Variants in SKAP1 observed in about 807,000 individuals in gnomAD.
SKAP1 encodes the protein src kinase associated phosphoprotein 1.
A neutral mutation model predicts 58.5 loss-of-function variants in SKAP1; 44 were observed. That is an observed-to-expected ratio of 0.75 (90% CI 0.59 to 0.97). The LOEUF (loss-of-function observed/expected upper bound fraction) is 0.97. SKAP1 is among the 50% of genes least tolerant of loss of function. SKAP1 has a pLI of 0.00. For synonymous variants in SKAP1, 127 were observed against 149.7 expected (o/e 0.85, Z 1.11); for missense variants, 390 against 435.2 (o/e 0.90, Z 0.92).
chr17:48,345,638 G>A (rs879582871), intron 4 of SKAP1, among the ~76,000 whole-genome samples: 2 of 152,176 alleles, frequency 1.3e-5, no homozygotes, highest in African/African-American at 2.4e-5. Flanking sequence ...ATTGAGCTAC[G>A]GTTTTTATAA....
chr17:48,271,362 C>CTTTTTTTTTTTTTTTTTT (rs35447830), intron 4 of SKAP1, among the ~76,000 whole-genome samples: 1 of 106,276 alleles, frequency 9.4e-6, no homozygotes, highest in Non-Finnish European at 1.9e-5. Context: ...TTCTTTGTTT[C>CTTTTTTTTTTTTTTTTTT]TTTTTTTTTT....
In SKAP1 at chr17:48,411,883, C is replaced by T. The variant is rs183461952; in HGVS notation, c.47-15098G>A. On this transcript the variant is annotated intron_variant, in intron 1 of 12. Transcript: ENST00000336915. ...TGGGAAACTGTTACAGCAAGAGGCG[C>T]CCAAGGAGCCTAAACTAAACGAGGT... Among the ~76,000 whole-genome samples, 53 of 152,238 alleles carry T rather than the reference C, an allele frequency of 3.5e-4. 1 individual carries two copies. Among genetic ancestry groups the T allele is most frequent in the Admixed American group, 1.5e-3 (23 of 15,288 alleles).
intron 4 of SKAP1, among the ~76,000 whole-genome samples, chr17:48,237,599 T>C (rs2065195295): frequency 6.6e-6 from 1 of 152,224 alleles, no homozygotes; most frequent in African/African-American, 2.4e-5. Flanking sequence ...TATTCTTTTA[T>C]TAGCATTGAG....
chr17:48,435,867 A>G, the SKAP1 span, among the ~76,000 whole-genome samples: 3 of 152,218 alleles, frequency 2.0e-5, no homozygotes, highest in African/African-American at 4.8e-5. Context: ...ATGAGTGGAT[A>G]TTCTAACAAG....
chr17:48,285,117 C>T (rs1301836901), intron 4 of SKAP1, among the ~76,000 whole-genome samples: 66 of 152,338 alleles, frequency 4.3e-4, no homozygotes, highest in Non-Finnish European at 7.3e-5. Context: ...CAAATCCTCA[C>T]AGCCATCTCT....
chr17:48,293,806 G>T (rs1279966108), intron 4 of SKAP1, among the ~76,000 whole-genome samples: 1 of 152,150 alleles, frequency 6.6e-6, no homozygotes, highest in African/African-American at 2.4e-5. Flanking sequence ...AACAGTGAAC[G>T]CTCTGACATT....
chr17:48,332,657 T>C (rs1028898919), intron 4 of SKAP1, among the ~76,000 whole-genome samples: 1 of 152,164 alleles, frequency 6.6e-6, no homozygotes, highest in African/African-American at 2.4e-5. Flanking sequence ...ATCAGGTAAA[T>C]ATTATAGAAT....
At chr17:48,182,316 G>A in intron 8 of SKAP1, 78 bp downstream of exon 8, 1 of 1,038,220 alleles carries the variant, frequency 9.6e-7, no homozygotes, top group Non-Finnish European at 1.5e-6. Context: ...ACATACTGAA[G>A]TCTGTAGATT....
intron 1 of SKAP1, among the ~76,000 whole-genome samples, chr17:48,399,589 C>A (rs1387484386): frequency 6.6e-6 from 1 of 151,896 alleles, no homozygotes; most frequent in East Asian, 1.9e-4. Context: ...AGAGAGATTC[C>A]ATCTCTACAA....
chr17:48,225,544 A>C (rs2065058207), intron 4 of SKAP1, among the ~76,000 whole-genome samples: 1 of 152,204 alleles, frequency 6.6e-6, no homozygotes, highest in African/African-American at 2.4e-5. Context: ...ACAGCATTCA[A>C]ATTTAATTTG....
At chr17:48,356,675 CA>C (rs1276309108) in intron 3 of SKAP1, among the ~76,000 whole-genome samples, 1 of 152,082 alleles carries the variant, frequency 6.6e-6, no homozygotes, top group African/African-American at 2.4e-5. Context: ...ACAACTGCTC[CA>C]TATCAGCAAT....
chr17:48,141,808 G>A (rs758924868), intron 11 of SKAP1, among the ~76,000 whole-genome samples: 14 of 152,150 alleles, frequency 9.2e-5, no homozygotes, highest in Admixed American at 8.5e-4. Flanking sequence ...GCTCCCATGG[G>A]CCACAGGCTC....
In SKAP1 at chr17:48,184,851, C is replaced by T. The variant is rs1177671071; in HGVS notation, c.443-4G>A. 1 of 1,612,872 alleles carries T rather than the reference C, an allele frequency of 6.2e-7. No homozygotes were observed. The highest frequency in any genetic ancestry group is 2.2e-5 in the East Asian group (1 of 44,836). On this transcript the variant is annotated splice_region_variant and splice_polypyrimidine_tract_variant and intron_variant, in intron 6 of 12. Coordinates refer to ENST00000336915, the MANE Select transcript of SKAP1 (RefSeq NM_003726.4). ...AAGGTCCCTTTGGGCTGCTTGCCTG[C>T]AAGACAGGAAAGCTCCCTGTATCCC...
intron 1 of SKAP1, among the ~76,000 whole-genome samples, chr17:48,398,301 G>A (rs906169189): frequency 2.6e-5 from 4 of 151,994 alleles, no homozygotes; most frequent in African/African-American, 9.7e-5. Flanking sequence ...CTGTGTATGT[G>A]AGGGATCTAG....
At chr17:48,247,302 A>G (rs1211740517) in intron 4 of SKAP1, among the ~76,000 whole-genome samples, 1 of 152,198 alleles carries the variant, frequency 6.6e-6, no homozygotes, top group Non-Finnish European at 1.5e-5. Context: ...GCACCATGAA[A>G]GCATGGACAT....
chr17:48,212,233 T>C (rs895769601), intron 4 of SKAP1, among the ~76,000 whole-genome samples: 1 of 152,114 alleles, frequency 6.6e-6, no homozygotes, highest in Non-Finnish European at 1.5e-5. Flanking sequence ...TTTCCACTAA[T>C]GAAGAGTGAG....
At chr17:48,294,754 G>A (rs2065943104) in intron 4 of SKAP1, among the ~76,000 whole-genome samples, 1 of 152,240 alleles carries the variant, frequency 6.6e-6, no homozygotes, top group Non-Finnish European at 1.5e-5. Context: ...GCTGTTACGT[G>A]GTGATGATAC....
chr17:48,284,165 T>A (rs753768131), intron 4 of SKAP1, among the ~76,000 whole-genome samples: 4 of 152,212 alleles, frequency 2.6e-5, no homozygotes, highest in Non-Finnish European at 5.9e-5. Flanking sequence ...CCAATTCAAC[T>A]CCATTTATGG....
At chr17:48,160,304 T>A (rs773476674) in intron 11 of SKAP1, among the ~76,000 whole-genome samples, 18 of 151,758 alleles carry the variant, frequency 1.2e-4, no homozygotes, top group East Asian at 1.2e-3. Flanking sequence ...TATTTTTTTT[T>A]AAATTTTTTA....
Sources: allele counts gnomAD v4.1 joint callset (sites outside exome capture counted in the v4.1 genomes callset), GRCh38; gene constraint gnomAD v4.1.1; transcripts MANE v1.5; gene names NCBI Gene and HGNC (gene_info 2026-07-23, HGNC 2026-07-21).